Variants in NR1H4 observed in about 807,000 individuals in gnomAD.
The protein encoded by NR1H4 is nuclear receptor subfamily 1 group H member 4, also known as bile acid receptor.
A neutral mutation model predicts 58.5 loss-of-function variants in NR1H4; 23 were observed. That is an observed-to-expected ratio of 0.39 (90% confidence interval 0.28 to 0.56). NR1H4 has a LOEUF of 0.56. Among genes scored for constraint, NR1H4 ranks in the 20% least tolerant of loss-of-function variants. The pLI is 0.58. For synonymous variants in NR1H4, 214 were observed against 198.0 expected, an observed-to-expected ratio of 1.08 and a Z score of -0.68; for missense variants, 487 against 576.9, an observed-to-expected ratio of 0.84 and a Z score of 1.60.
chr12:100,540,946 T>C, intron 9 of NR1H4, 128 bp downstream of exon 9: 1 of 877,286 alleles, frequency 1.1e-6, no homozygotes, highest in Non-Finnish European at 1.9e-6. Context: ...GAAGAATGGC[T>C]CTAAAAAGAT....
At chr12:100,562,309 T>C (rs1955494753) in intron 10 of NR1H4, among the ~76,000 whole-genome samples, 1 of 152,116 alleles carries the variant, frequency 6.6e-6, no homozygotes, top group South Asian at 2.1e-4. Context: ...ATGAGAAAGA[T>C]AATAAATGAA....
At chr12:100,478,593 T>C (rs1953317446) in intron 1 of NR1H4, among the ~76,000 whole-genome samples, 1 of 152,238 alleles carries the variant, frequency 6.6e-6, no homozygotes, top group Admixed American at 6.5e-5. Flanking sequence ...ACTGTTTCAA[T>C]GTTAATACAT....
chr12:100,527,296 G>A lies in NR1H4; in HGVS notation c.446-5162G>A, dbSNP rs117759578. Among the ~76,000 whole-genome samples the A allele has an allele frequency of 2.7e-3, 411 of 152,336 alleles. 1 individual carries two copies. Among genetic ancestry groups the A allele is most frequent in the Non-Finnish European group, 4.9e-3 (335 of 68,022 alleles). ...TAATCCCAACAGTTTGGGAGGTTGA[G>A]GCAGGAGGATTGCTTGAGCCCAGGA... is the stretch of plus-strand genomic sequence containing the variant. On this transcript the variant is annotated intron_variant, in intron 4 of 10. Coordinates refer to ENST00000392986, the MANE Select transcript of NR1H4 (RefSeq NM_001206979.2).
chr12:100,483,939 G>A (rs940666385), intron 1 of NR1H4, among the ~76,000 whole-genome samples: 12 of 147,932 alleles, frequency 8.1e-5, no homozygotes, highest in South Asian at 4.2e-4. Context: ...AACTGAGGTC[G>A]TGCCACTGCA....
At chr12:100,522,168 GATA>G (rs1425745807) in intron 4 of NR1H4, among the ~76,000 whole-genome samples, 5 of 151,988 alleles carry the variant, frequency 3.3e-5, no homozygotes, top group Non-Finnish European at 7.4e-5. Context: ...TGGTGGTGGT[GATA>G]ATGATGATGA....
At chr12:100,509,145 T>C (rs1479144659) in intron 3 of NR1H4, among the ~76,000 whole-genome samples, 1 of 152,176 alleles carries the variant, frequency 6.6e-6, no homozygotes, top group East Asian at 1.9e-4. Context: ...CATCCCAACC[T>C]TGCTGCCATG....
intron 4 of NR1H4, among the ~76,000 whole-genome samples, chr12:100,526,181 C>A (rs1954551826): frequency 8.6e-6 from 1 of 116,026 alleles, no homozygotes; most frequent in Admixed American, 1.0e-4. Flanking sequence ...GATCTCTGCT[C>A]TAATTTTAAG....
intron 1 of NR1H4, among the ~76,000 whole-genome samples, chr12:100,483,999 A>AT (rs1953438060): frequency 6.6e-6 from 1 of 151,912 alleles, no homozygotes; most frequent in Non-Finnish European, 1.5e-5. Context: ...AAAAAAAAAA[A>AT]AAAAAAGAAT....
intron 8 of NR1H4, among the ~76,000 whole-genome samples, chr12:100,537,474 G>A (rs1398679301): frequency 2.6e-5 from 4 of 152,132 alleles, no homozygotes; most frequent in African/African-American, 9.7e-5. Flanking sequence ...CTAAGTGCCT[G>A]GCTATTACCT....
chr12:100,487,643 T>TG (rs1345979858), intron 1 of NR1H4, among the ~76,000 whole-genome samples: 1 of 146,334 alleles, frequency 6.8e-6, no homozygotes, highest in Admixed American at 7.2e-5. Context: ...TTGCCCAGGC[T>TG]GGAGTGCTGG....
Position 100,563,357 on chromosome 12 carries a change from CTT to C in NR1H4, c.1301_1302del (p.Phe434CysfsTer9). On this transcript the variant is annotated frameshift_variant, in exon 11 of 11. Coordinates refer to ENST00000392986, the MANE Select transcript of NR1H4 (RefSeq NM_001206979.2). LOFTEE classifies it high-confidence loss of function. Reference protein sequence around the residue: ...KIHQPENPQHFACLLGRLTEL... With the variant: ...KIHQPENPQHXACLLGRLTEL... ...TTCACCAGCCTGAAAATCCTCAACACTTTGCCTGTCTCCTGGGTCGCCTGACT... is the reference window on the plus strand; with the variant it reads ...TTCACCAGCCTGAAAATCCTCAACACTGCCTGTCTCCTGGGTCGCCTGACT... 1 of 1,614,162 alleles carries C rather than the reference CTT, an allele frequency of 6.2e-7. No individual in the cohort carries two copies. Among genetic ancestry groups the C allele is most frequent in the Non-Finnish European group, 8.5e-7 (1 of 1,180,036 alleles).
rs554425262 is a variant in NR1H4 at position 100,554,261 on chromosome 12, A to G, written c.1079-7624A>G. Among the ~76,000 whole-genome samples, 41 of 152,278 alleles carry G rather than the reference A, an allele frequency of 2.7e-4. 1 individual carries two copies. Among genetic ancestry groups the G allele is most frequent in the African/African-American group, 9.6e-4 (40 of 41,556 alleles). On this transcript the variant is annotated intron_variant, in intron 9 of 10. Transcript: ENST00000392986. ...CATTTCTAGAAAAGTTTCAAGTTAC[A>G]TGGTTTTAAGGAAATAGTATCATTT...
At chr12:100,539,712 G>A (rs1954893221) in intron 8 of NR1H4, among the ~76,000 whole-genome samples, 1 of 152,174 alleles carries the variant, frequency 6.6e-6, no homozygotes, top group African/African-American at 2.4e-5. Flanking sequence ...AGAAAAACAA[G>A]GCCTCTGCCC....
intron 1 of NR1H4, among the ~76,000 whole-genome samples, chr12:100,476,311 C>A (rs1256861563): frequency 6.6e-6 from 1 of 152,178 alleles, no homozygotes; most frequent in African/African-American, 2.4e-5. Flanking sequence ...ACTAGTTAGA[C>A]GTTTCCTGAA....
Position 100,562,762 on chromosome 12 carries a change from C to T in NR1H4, c.1193-489C>T, listed in dbSNP as rs969675431. Among the ~76,000 whole-genome samples, 9 of 151,932 alleles carry T rather than the reference C, an allele frequency of 5.9e-5. No homozygotes were observed. The South Asian group carries it at 8.3e-4, about 14-fold the overall frequency. ...TTGGTTACTTTAATAATTTGGGTGT[C>T]GAATGATGCCATGCTCATGATTTGT... is the stretch of plus-strand genomic sequence containing the variant. On this transcript the variant is annotated intron_variant, in intron 10 of 10. Coordinates refer to ENST00000392986, the MANE Select transcript of NR1H4 (RefSeq NM_001206979.2).
intron 4 of NR1H4, among the ~76,000 whole-genome samples, chr12:100,525,837 A>G (rs921281048): frequency 2.6e-5 from 4 of 152,068 alleles, no homozygotes; most frequent in Non-Finnish European, 4.4e-5. Flanking sequence ...TTGATGACCA[A>G]TTTCTCCTTG....
At chr12:100,541,404 C>T (rs897801884) in intron 9 of NR1H4, among the ~76,000 whole-genome samples, 1 of 151,686 alleles carries the variant, frequency 6.6e-6, no homozygotes, top group Admixed American at 6.6e-5. Flanking sequence ...GCCTCAGCCT[C>T]CCGAGTAGCC....
At chr12:100,498,740 G>A (rs1246592096) in intron 3 of NR1H4, among the ~76,000 whole-genome samples, 2 of 152,162 alleles carry the variant, frequency 1.3e-5, no homozygotes, top group East Asian at 1.9e-4. Flanking sequence ...TGGAATCCAC[G>A]TCTTGTATTG....
At chr12:100,503,300 TA>T in intron 3 of NR1H4, 1 of 1,486,050 alleles carries the variant, frequency 6.7e-7, no homozygotes. Context: ...TTCTGCTCCG[TA>T]ATGAAGTTAA....
Sources: gnomAD v4.1 joint callset for allele counts (sites outside exome capture counted in the v4.1 genomes callset) on GRCh38, gnomAD v4.1.1 for gene constraint, MANE v1.5 for transcripts, NCBI Gene and HGNC (gene_info 2026-07-23, HGNC 2026-07-21) for gene names.